The following SHTN1 variants were observed in gnomAD, a reference collection of about 807,000 sequenced individuals.
SHTN1 encodes shootin-1.
In SHTN1, 42 loss-of-function variants were observed where a neutral mutation model predicts 83.1. The observed-to-expected ratio is 0.51, with a 90% CI of 0.39 to 0.65. SHTN1 has a LOEUF of 0.65. Ranked by LOEUF, SHTN1 falls within the 30% of genes least tolerant of loss-of-function variation. The pLI, the probability that SHTN1 is intolerant of heterozygous loss-of-function variation, is 0.00. For synonymous variants in SHTN1, 224 were observed against 247.7 expected (o/e 0.90, Z 0.90); for missense variants, 622 against 737.8 (o/e 0.84, Z 1.82).
chr10:116,957,764 A>G (rs1850035190), intron 4 of SHTN1, among the ~76,000 whole-genome samples: 1 of 152,140 alleles, frequency 6.6e-6, no homozygotes, highest in Admixed American at 6.5e-5. Context: ...ACTTGCTTCT[A>G]AGAAAATATG....
At chr10:116,901,129 G>A in intron 16 of SHTN1, 1 of 985,262 alleles carries the variant, frequency 1.0e-6, no homozygotes, top group Non-Finnish European at 1.2e-6. Context: ...CCTGGCAAGA[G>A]AACTAAAGCA....
intron 2 of SHTN1, among the ~76,000 whole-genome samples, chr10:116,978,331 A>T (rs183307576): frequency 6.6e-6 from 1 of 152,296 alleles, no homozygotes; most frequent in East Asian, 1.9e-4. Context: ...CCGAAATTTT[A>T]AAAATGAGGT....
chr10:116,894,842 A>G (rs1209603666), intron 16 of SHTN1, among the ~76,000 whole-genome samples: 1 of 152,206 alleles, frequency 6.6e-6, no homozygotes, highest in African/African-American at 2.4e-5. Flanking sequence ...AGATGGTTTC[A>G]GGGGAGAAAA....
chr10:116,931,961 C>T (rs1348493323), intron 9 of SHTN1, among the ~76,000 whole-genome samples: 2 of 152,158 alleles, frequency 1.3e-5, no homozygotes, highest in East Asian at 3.9e-4. Context: ...AGCTAAGAAA[C>T]ATTTTAAGCG....
At chr10:117,013,020 G>A (rs1852132102) in intron 2 of SHTN1, among the ~76,000 whole-genome samples, 3 of 152,072 alleles carry the variant, frequency 2.0e-5, no homozygotes, top group African/African-American at 2.4e-5. Flanking sequence ...GTTTAAGGCT[G>A]CAGTGAACCA....
intron 16 of SHTN1, among the ~76,000 whole-genome samples, chr10:116,891,662 T>A (rs1446393093): frequency 6.6e-6 from 1 of 152,226 alleles, no homozygotes; most frequent in Non-Finnish European, 1.5e-5. Context: ...GTAGTGGCAT[T>A]ACAGCAGAGG....
chr10:117,124,974 G>A (rs1415712524), intron 1 of SHTN1, among the ~76,000 whole-genome samples: 1 of 152,080 alleles, frequency 6.6e-6, no homozygotes, highest in Non-Finnish European at 1.5e-5. Flanking sequence ...GAGTTACTTG[G>A]AAACAGCTTC....
intron 4 of SHTN1, among the ~76,000 whole-genome samples, chr10:116,957,917 G>A (rs566169886): frequency 6.6e-6 from 1 of 152,218 alleles, no homozygotes; most frequent in African/African-American, 2.4e-5. Context: ...GAAATTAACT[G>A]GGTGTGGTGG....
Position 116,948,937 on chromosome 10 carries a change from C to G in SHTN1, c.595G>C (p.Val199Leu), listed in dbSNP as rs1481936754. ...LNSEVLEQRKVLEKCNRVSML... is the reference protein window; with the variant it reads ...LNSEVLEQRKLLEKCNRVSML... ...TTACCTCTATTGCATTTTTCTAAGA[C>G]TTTTCTCTGTTCAAGAACTTCTGAA... The change falls in exon 7 of 17, where the codon GTC becomes CTC. Residue 199 changes from valine (V) to leucine (L), a missense_variant. By Grantham distance (32) the Val-to-Leu change is conservative. Around this residue, in one of 3 missense-constraint regions of SHTN1, gnomAD observed 383 missense variants for 455.8 expected, o/e 0.84. Transcript: ENST00000355371. The G allele has an allele frequency of 6.3e-7, 1 of 1,577,282 alleles. No homozygotes were observed. The highest frequency in any genetic ancestry group is 8.6e-7 in the Non-Finnish European group (1 of 1,162,770).
intron 1 of SHTN1, among the ~76,000 whole-genome samples, chr10:117,119,904 C>T (rs542740612): frequency 1.9e-4 from 28 of 151,086 alleles, no homozygotes; most frequent in Non-Finnish European, 2.9e-4. Flanking sequence ...GAGGTCATTA[C>T]GTTAAGTGAA....
At chr10:116,899,825 G>T (rs933098704) in intron 16 of SHTN1, among the ~76,000 whole-genome samples, 5 of 152,194 alleles carry the variant, frequency 3.3e-5, no homozygotes, top group Non-Finnish European at 5.9e-5. Context: ...TGTGGTTAGT[G>T]TAACAGAGTA....
intron 12 of SHTN1, among the ~76,000 whole-genome samples, chr10:116,918,778 C>G (rs1848457212): frequency 1.3e-5 from 2 of 152,146 alleles, no homozygotes; most frequent in South Asian, 4.1e-4. Context: ...TATCCCCATT[C>G]TACAGATTAG....
At chr10:117,027,788 G>A (rs151214478) in intron 2 of SHTN1, among the ~76,000 whole-genome samples, 129 of 152,302 alleles carry the variant, frequency 8.5e-4, no homozygotes, top group African/African-American at 2.6e-3. Context: ...GTGAGCCACC[G>A]CACCTGGCCC....
chr10:117,035,186 C>G (rs1172941192), intron 2 of SHTN1, among the ~76,000 whole-genome samples: 1 of 152,138 alleles, frequency 6.6e-6, no homozygotes, highest in East Asian at 1.9e-4. Context: ...ATCCACACAC[C>G]TACAGTGAAC....
chr10:117,034,932 C>A (rs925409157), intron 2 of SHTN1, among the ~76,000 whole-genome samples: 1 of 151,930 alleles, frequency 6.6e-6, no homozygotes, highest in African/African-American at 2.4e-5. Flanking sequence ...CAATGCAATC[C>A]CTCTCAGAAT....
chr10:117,123,664 G>A (rs1055484908), intron 1 of SHTN1, among the ~76,000 whole-genome samples: 3 of 151,566 alleles, frequency 2.0e-5, no homozygotes, highest in Non-Finnish European at 4.4e-5. Context: ...CAACACCTTG[G>A]GAGGCCAAGG....
chr10:116,901,834 G>A lies in SHTN1; in HGVS notation c.1604C>T (p.Pro535Leu). 1.2e-6 allele frequency: 2 copies of A among 1,604,456 alleles called. No homozygotes were observed. Among genetic ancestry groups the A allele is most frequent in the Non-Finnish European group, 1.7e-6 (2 of 1,177,374 alleles). The change falls in exon 16 of 17, where the codon CCC (proline) becomes CTC (leucine). Residue 535 changes from proline to leucine, a missense_variant. Physicochemically the swap from Pro to Leu is moderately conservative, Grantham distance 98. Around this residue, in one of 3 missense-constraint regions of SHTN1, gnomAD observed 231 missense variants for 251.6 expected, o/e 0.92. Transcript: ENST00000355371. ...CCCTTCACCTGGCTCAGGTGTTGGG[G>A]GGGACGGGCTGTTGAATTCTGCCTC... ...TLEAEFNSPSPPTPEPGEGPR... is the reference protein window; with the variant it reads ...TLEAEFNSPSLPTPEPGEGPR...
At chr10:117,013,085 T>A (rs532875740) in intron 2 of SHTN1, among the ~76,000 whole-genome samples, 39 of 152,124 alleles carry the variant, frequency 2.6e-4, no homozygotes, top group Non-Finnish European at 3.4e-4. Context: ...ACTATATAAA[T>A]TTTTTTAAAA....
intron 1 of SHTN1, among the ~76,000 whole-genome samples, chr10:117,102,482 T>C (rs568702583): frequency 3.3e-4 from 50 of 152,194 alleles, no homozygotes; most frequent in African/African-American, 1.2e-3. Context: ...AGCCCTGCAT[T>C]GTTAGAAAAT....
Sources: gnomAD v4.1 joint callset for allele counts (sites outside exome capture counted in the v4.1 genomes callset) on GRCh38, gnomAD v4.1.1 for gene constraint, gnomAD v4.1.1 regional missense constraint, MANE v1.5 for transcripts, NCBI Gene and HGNC (gene_info 2026-07-23, HGNC 2026-07-21) for gene names.